HTR7: variants seen among roughly 807,000 people sequenced by gnomAD.
HTR7 encodes the protein 5-HT-7.
HTR7 carries 16 observed loss-of-function variants against 34.0 expected under a neutral mutation model. That is an observed-to-expected ratio of 0.47 (90% CI 0.32 to 0.71). The LOEUF (loss-of-function observed/expected upper bound fraction) is 0.71. Among genes scored for constraint, HTR7 ranks in the 30% least tolerant of loss-of-function variants. The pLI, the probability that HTR7 is intolerant of heterozygous loss-of-function variation, is 0.04. For synonymous variants in HTR7, 265 were observed against 260.2 expected (o/e 1.02, Z -0.18); for missense variants, 504 against 625.5 (o/e 0.81, Z 2.07).
chr10:90,825,307 A>G (rs1411628353), intron 1 of HTR7, among the ~76,000 whole-genome samples: 1 of 152,210 alleles, frequency 6.6e-6, no homozygotes, highest in Non-Finnish European at 1.5e-5. Flanking sequence ...TAATGCAGAC[A>G]TGGCGGCAGT....
intron 1 of HTR7, among the ~76,000 whole-genome samples, chr10:90,782,912 T>C (rs921015189): frequency 6.6e-5 from 10 of 152,352 alleles, no homozygotes; most frequent in African/African-American, 2.4e-4. Flanking sequence ...ATTTTATGTT[T>C]GGTATTTGAT....
chr10:90,744,545 C>A (rs1463934398), intron 2 of HTR7, among the ~76,000 whole-genome samples: 2 of 129,064 alleles, frequency 1.5e-5, no homozygotes, highest in Non-Finnish European at 3.1e-5. Context: ...GAGTGTCCCA[C>A]ATTTAGCATT....
chr10:90,752,934 C>A (rs1014697012), intron 1 of HTR7, among the ~76,000 whole-genome samples: 1 of 152,102 alleles, frequency 6.6e-6, no homozygotes, highest in Admixed American at 6.5e-5. Flanking sequence ...AAAGGCCATT[C>A]TTAACTATAA....
rs757152316 is a variant in HTR7 at position 90,857,404 on chromosome 10, G to A, written c.268C>T (p.Leu90Phe). Residue 90 changes from leucine (L) to phenylalanine (F), a missense_variant, in exon 1 of 4, where the codon CTC becomes TTC. Leu to Phe is a conservative substitution (Grantham distance 22). Around this residue, in one of 4 missense-constraint regions of HTR7, gnomAD observed 154 missense variants for 248.8 expected, o/e 0.62. Coordinates refer to ENST00000336152, the MANE Select transcript of HTR7 (RefSeq NM_019859.4). This position sits in a 1 kb window ranked among gnomAD's most constrained non-coding sequence, Gnocchi z 6.5. The stretch of plus-strand genomic sequence containing the variant: ...CCCGCGATCGTCAGCAGCGTGATGA[G>A]CGTCAGGATGGAGCCGATCACAACT... ...EKVVIGSILT[L>F]ITLLTIAGNC... is the part of the protein sequence containing the mutation. 5 of 1,613,972 alleles carry A rather than the reference G, an allele frequency of 3.1e-6. No individual in the cohort carries two copies. The highest frequency in any genetic ancestry group is 1.3e-5 in the African/African-American group (1 of 74,920).
At chr10:90,847,347 AG>A (rs1011544302) in intron 1 of HTR7, among the ~76,000 whole-genome samples, 2 of 150,842 alleles carry the variant, frequency 1.3e-5, no homozygotes, top group African/African-American at 4.9e-5. Flanking sequence ...TTAACATGAG[AG>A]GAAAAAAAAA....
At chr10:90,822,338 T>C (rs547358558) in intron 1 of HTR7, among the ~76,000 whole-genome samples, 13 of 152,348 alleles carry the variant, frequency 8.5e-5, no homozygotes, top group African/African-American at 2.9e-4. Flanking sequence ...GAAAAGAGAC[T>C]GGCAGCATTG....
intron 1 of HTR7, among the ~76,000 whole-genome samples, chr10:90,756,143 G>A (rs2119698893): frequency 6.6e-6 from 1 of 152,282 alleles, no homozygotes; most frequent in East Asian, 1.9e-4. Context: ...TCAAAACCAG[G>A]CAAAACTAGC....
chr10:90,753,852 A>G (rs1844784674), intron 1 of HTR7, among the ~76,000 whole-genome samples: 1 of 152,096 alleles, frequency 6.6e-6, no homozygotes, highest in Non-Finnish European at 1.5e-5. Flanking sequence ...GCTCTTAAAG[A>G]TAAGTAATAG....
chr10:90,767,666 T>TGCA (rs1845044967), intron 1 of HTR7, among the ~76,000 whole-genome samples: 1 of 152,200 alleles, frequency 6.6e-6, no homozygotes, highest in Non-Finnish European at 1.5e-5. Context: ...TTAAGAGATG[T>TGCA]GCAGCTTCCA....
chr10:90,824,028 G>T (rs970977167), intron 1 of HTR7, among the ~76,000 whole-genome samples: 4 of 152,182 alleles, frequency 2.6e-5, no homozygotes, highest in African/African-American at 9.7e-5. Flanking sequence ...GTTCTTTATA[G>T]CAGTGTGATC....
chr10:90,850,481 GATGAATATACA>G (rs1222514429), intron 1 of HTR7, among the ~76,000 whole-genome samples: 1 of 152,172 alleles, frequency 6.6e-6, no homozygotes, highest in East Asian at 1.9e-4. Context: ...CATGCAATAT[GATGAATATACA>G]ATCAACATTT....
chr10:90,819,061 T>C (rs966899730), intron 1 of HTR7, among the ~76,000 whole-genome samples: 2 of 152,222 alleles, frequency 1.3e-5, no homozygotes, highest in Non-Finnish European at 2.9e-5. Context: ...ACTTGCTTTC[T>C]TTATAAATTA....
chr10:90,826,555 T>C (rs1846077579), intron 1 of HTR7, among the ~76,000 whole-genome samples: 1 of 152,194 alleles, frequency 6.6e-6, no homozygotes, highest in Non-Finnish European at 1.5e-5. Context: ...GACAGTACTA[T>C]AAGATATAAA....
At position 90,749,528 on chromosome 10, in the gene HTR7, C is replaced by T; in HGVS notation, c.606G>A (p.Met202Ile). 6.2e-7 allele frequency: 1 copy of T among 1,614,128 alleles called. No homozygotes were observed. The highest frequency in any genetic ancestry group is 8.5e-7 in the Non-Finnish European group (1 of 1,180,002). Reference sequence around the variant, plus strand: ...CGGAGAGAAGCCAGACGGAGAGAATCATCTTCGCCATGCATTTCCCATTCT... The same window carrying T: ...CGGAGAGAAGCCAGACGGAGAGAATTATCTTCGCCATGCATTTCCCATTCT... Reference protein sequence around the residue: ...VRQNGKCMAKMILSVWLLSAS... With the variant: ...VRQNGKCMAKIILSVWLLSAS... The change falls in exon 2 of 4, where the codon ATG (methionine) becomes ATA (isoleucine). Residue 202 changes from methionine to isoleucine, a missense_variant. Around this residue, in one of 4 missense-constraint regions of HTR7, gnomAD observed 154 missense variants for 248.8 expected, o/e 0.62. Transcript: ENST00000336152. The surrounding 1 kb of genome is among the most constrained non-coding windows in gnomAD (Gnocchi z 4.2).
At position 90,815,106 on chromosome 10, in the gene HTR7, T is replaced by G. The variant is rs565751030; in HGVS notation, c.539+42027A>C. 2.1e-4 allele frequency among the ~76,000 whole-genome samples: 32 copies of G among 152,188 alleles called. No homozygotes were observed. In the South Asian group the frequency reaches 2.3e-3, roughly 11 times the overall value. ...TTTGTTTTTTTTTTTGTTTTGTTTT[T>G]TTTGAGATGTAGTCTCACTCTGTTG... On this transcript the variant is annotated intron_variant, in intron 1 of 3. Transcript: ENST00000336152.
At chr10:90,786,208 A>G (rs974093894) in intron 1 of HTR7, among the ~76,000 whole-genome samples, 7 of 152,222 alleles carry the variant, frequency 4.6e-5, no homozygotes, top group Non-Finnish European at 1.0e-4. Context: ...ATCCCAACAC[A>G]GAGGATAACC....
In HTR7 at chr10:90,857,698, G is replaced by A. The variant is rs1846615305; in HGVS notation, c.-27C>T. 1 of 1,474,798 alleles carries A rather than the reference G, an allele frequency of 6.8e-7. No homozygotes were observed. Among genetic ancestry groups the A allele is most frequent in the African/African-American group, 1.5e-5 (1 of 67,922 alleles). The allele number at this position is 1,474,798 out of a possible 1,614,324, so 91.4% of individuals were successfully genotyped here. A position where few individuals can be genotyped will look rare whatever the true frequency, so the allele number is the denominator to read the frequency against. On this transcript the variant is annotated 5_prime_UTR_variant, in exon 1 of 4. Transcript: ENST00000336152. This position sits in a 1 kb window ranked among gnomAD's most constrained non-coding sequence, Gnocchi z 6.5. ...GCGCCGCCGTGTGCCGCTGCCCATG[G>A]AGCCGGCGCCCCGGCCACGCGCCTC...
chr10:90,757,955 G>A (rs1430848192), intron 1 of HTR7, among the ~76,000 whole-genome samples: 2 of 152,132 alleles, frequency 1.3e-5, no homozygotes, highest in Admixed American at 6.5e-5. Context: ...AGCAGAATGA[G>A]ATAAAAAGAG....
At chr10:90,831,006 A>G (rs1306306000) in intron 1 of HTR7, among the ~76,000 whole-genome samples, 1 of 152,224 alleles carries the variant, frequency 6.6e-6, no homozygotes, top group East Asian at 1.9e-4. Flanking sequence ...TCAAGCAGGC[A>G]CTTACTCTCT....
Sources: gnomAD v4.1 joint callset for allele counts (sites outside exome capture counted in the v4.1 genomes callset) on GRCh38, gnomAD v4.1.1 for gene constraint, gnomAD v4.1.1 regional missense constraint, Gnocchi (gnomAD v3.1) non-coding constraint, MANE v1.5 for transcripts, NCBI Gene and HGNC (gene_info 2026-07-23, HGNC 2026-07-21) for gene names.